ACER2: variants seen among roughly 807,000 people sequenced by gnomAD.
ACER2 encodes the protein alkCDase 2.
Under a neutral mutation model 34.7 loss-of-function variants are expected in ACER2, and 26 were observed. The observed-to-expected ratio is 0.75, with a 90% CI of 0.55 to 1.04. The LOEUF is 1.04. Ranked by LOEUF, ACER2 falls within the 50% of genes least tolerant of loss-of-function variation. The pLI, the probability that ACER2 is intolerant of heterozygous loss-of-function variation, is 0.00. For missense variants in ACER2, 352 were observed against 340.8 expected (o/e 1.03, Z -0.26); for synonymous variants, 138 against 132.1 (o/e 1.04, Z -0.31).
At chr9:19,443,167 A>C (rs1831215652) in intron 4 of ACER2, among the ~76,000 whole-genome samples, 1 of 152,080 alleles carries the variant, frequency 6.6e-6, no homozygotes, top group Non-Finnish European at 1.5e-5. Context: ...AGTAGCTGGG[A>C]CTTCAGGTGC....
intron 1 of ACER2, among the ~76,000 whole-genome samples, chr9:19,416,142 C>T (rs1201677442): frequency 6.6e-6 from 1 of 151,632 alleles, no homozygotes; most frequent in East Asian, 1.9e-4. Flanking sequence ...TATAACAATT[C>T]CATTTTTCTT....
chr9:19,449,100 A>AGATTGT (rs1831475896), intron 5 of ACER2, among the ~76,000 whole-genome samples: 5 of 152,248 alleles, frequency 3.3e-5, no homozygotes, highest in Non-Finnish European at 7.3e-5. Context: ...ACTGTACTCT[A>AGATTGT]GCCTGAGCAA....
chr9:19,432,055 T>C (rs911814602), intron 3 of ACER2, among the ~76,000 whole-genome samples: 2 of 152,162 alleles, frequency 1.3e-5, no homozygotes, highest in African/African-American at 4.8e-5. Context: ...GATAAGGAAA[T>C]GGGTCCCAGG....
intron 1 of ACER2, among the ~76,000 whole-genome samples, chr9:19,411,397 A>AT (rs906439998): frequency 1.3e-4 from 19 of 151,990 alleles, no homozygotes; most frequent in Admixed American, 3.3e-4. Flanking sequence ...ATTTAAAAAA[A>AT]TTTTTTTTTG....
chr9:19,433,884 G>A lies in ACER2; in HGVS notation c.366-1063G>A, dbSNP rs1211168005. On this transcript the variant is annotated intron_variant, in intron 3 of 5. Coordinates refer to ENST00000340967, the MANE Select transcript of ACER2 (RefSeq NM_001010887.3). ...CGGGCAGAGGTGCCCCTCACCTCCC[G>A]GACGGGGCGGCTGGCCGGGTAGGGG... Among the ~76,000 whole-genome samples, 26 of 149,342 alleles carry A rather than the reference G, an allele frequency of 1.7e-4. 1 individual carries two copies. The highest frequency in any genetic ancestry group is 4.0e-4 in the East Asian group (2 of 4,944).
chr9:19,423,923 C>T lies in ACER2; in HGVS notation c.170C>T (p.Ala57Val), dbSNP rs1162808028. Residue 57 changes from alanine to valine, a missense_variant, in exon 2 of 6, where the codon GCA becomes GTA. Coordinates refer to ENST00000340967, the MANE Select transcript of ACER2 (RefSeq NM_001010887.3). ...PICMCLFRQY[A>V]TCFNSGIYLI... ...TGCATGTGCTTGTTTCGTCAGTATG[C>T]AACATGCTTCAACAGTGGCATCTAC... The T allele has an allele frequency of 1.2e-6, 2 of 1,614,066 alleles. No individual in the cohort carries two copies. The highest frequency in any genetic ancestry group is 8.5e-7 in the Non-Finnish European group (1 of 1,179,984).
Position 19,451,474 on chromosome 9 carries a change from A to C in ACER2, c.*838A>C, listed in dbSNP as rs188959445. ...CTACTACCTCTGTGGAGAGATGGAG[A>C]GACTTCAGATAAACGTGAAGCTAAT... On this transcript the variant is annotated 3_prime_UTR_variant, in exon 6 of 6. Transcript: ENST00000340967. 2.6e-5 allele frequency: 4 copies of C among 152,806 alleles called. No individual in the cohort carries two copies. The highest frequency in any genetic ancestry group is 6.5e-5 in the Admixed American group (1 of 15,308). The allele number at this position is 152,806 out of a possible 1,614,324, so 9.5% of individuals were successfully genotyped here. A position where few individuals can be genotyped will look rare whatever the true frequency, so the allele number is the denominator to read the frequency against.
chr9:19,450,814 A>G lies in ACER2; in HGVS notation c.*178A>G, dbSNP rs7855778. On this transcript the variant is annotated 3_prime_UTR_variant, in exon 6 of 6. Coordinates refer to ENST00000340967, the MANE Select transcript of ACER2 (RefSeq NM_001010887.3). Reference sequence around the variant, plus strand: ...TGTATGTAGGGATTTAAACTTTGTCATATGGTACAAATATTCCCTGCCCCC... The same window carrying G: ...TGTATGTAGGGATTTAAACTTTGTCGTATGGTACAAATATTCCCTGCCCCC... 212 of 496,496 alleles carry G rather than the reference A, an allele frequency of 4.3e-4. 2 individuals are homozygous for G. The South Asian group carries it at 0.014, about 33-fold the overall frequency. The allele number at this position is 496,496 out of a possible 1,614,324, so 30.8% of individuals were successfully genotyped here.
intron 3 of ACER2, among the ~76,000 whole-genome samples, chr9:19,431,747 C>T (rs572614103): frequency 2.0e-5 from 3 of 152,186 alleles, no homozygotes; most frequent in Non-Finnish European, 4.4e-5. Flanking sequence ...AGCTATAATT[C>T]CTGTTCATTC....
At chr9:19,433,822 C>T (rs1196006192) in intron 3 of ACER2, among the ~76,000 whole-genome samples, 49 of 151,034 alleles carry the variant, frequency 3.2e-4, no homozygotes, top group African/African-American at 1.1e-3. Flanking sequence ...GGCGGCTGGC[C>T]GGGCAGAGGG....
rs1412571741 is a variant in ACER2 at position 19,434,986 on chromosome 9, T to G, written c.405T>G (p.Val135=). 1 of 1,614,032 alleles carries G rather than the reference T, an allele frequency of 6.2e-7. No homozygotes were observed. Among genetic ancestry groups the G allele is most frequent in the African/African-American group, 1.3e-5 (1 of 74,940 alleles). ...FKVVVSVLSA[V]TTCLAFVKPA... is the part of the protein sequence containing the mutation. ...TGGTGGTCAGTGTCCTGTCTGCGGT[T>G]ACGACGTGCCTGGCATTTGTCAAGC... is the stretch of plus-strand genomic sequence containing the variant. The change falls in exon 4 of 6, where the codon GTT becomes GTG. Residue 135 remains valine, a synonymous_variant. Transcript: ENST00000340967.
At chr9:19,437,007 G>T (rs912559286) in intron 4 of ACER2, among the ~76,000 whole-genome samples, 5 of 152,140 alleles carry the variant, frequency 3.3e-5, no homozygotes, top group African/African-American at 1.2e-4. Flanking sequence ...ATACCTGACT[G>T]TTCCTACTCT....
intron 3 of ACER2, among the ~76,000 whole-genome samples, chr9:19,430,110 G>A (rs925862817): frequency 6.6e-6 from 1 of 150,452 alleles, no homozygotes; most frequent in Admixed American, 6.6e-5. Flanking sequence ...TGGTTTTCAA[G>A]CCTATACCCT....
At chr9:19,445,011 A>AAC (rs1382066968) in intron 4 of ACER2, among the ~76,000 whole-genome samples, 1 of 152,174 alleles carries the variant, frequency 6.6e-6, no homozygotes, top group African/African-American at 2.4e-5. Flanking sequence ...TCAGGCTTTT[A>AAC]ACACCTGTCT....
chr9:19,434,488 G>C (rs1207010189), intron 3 of ACER2, among the ~76,000 whole-genome samples: 1 of 152,266 alleles, frequency 6.6e-6, no homozygotes, highest in Non-Finnish European at 1.5e-5. Context: ...GCGCCATTGA[G>C]CACTGAGTGA....
chr9:19,441,813 G>A (rs1831165584), intron 4 of ACER2, among the ~76,000 whole-genome samples: 1 of 152,158 alleles, frequency 6.6e-6, no homozygotes, highest in Admixed American at 6.5e-5. Context: ...TTGTTTCCCT[G>A]CTTTGATAAA....
Position 19,451,292 on chromosome 9 carries a change from CTG to C in ACER2, c.*659_*660del, listed in dbSNP as rs1831561525. 1.3e-5 allele frequency: 2 copies of C among 152,666 alleles called. No individual in the cohort carries two copies. Among genetic ancestry groups the C allele is most frequent in the Admixed American group, 6.5e-5 (1 of 15,288 alleles). The allele number at this position is 152,666 out of a possible 1,614,324, so 9.5% of individuals were successfully genotyped here. On this transcript the variant is annotated 3_prime_UTR_variant, in exon 6 of 6. Transcript: ENST00000340967. ...CTCTGAGAGACAAGACCCTCTGACT[CTG>C]TGATGGAAGATGCCAGAGATTTTCC...
chr9:19,416,755 A>G (rs1175140507), intron 1 of ACER2, among the ~76,000 whole-genome samples: 1 of 150,284 alleles, frequency 6.7e-6, no homozygotes, highest in Non-Finnish European at 1.5e-5. Context: ...CTGGTCTCAA[A>G]CTCCTGACTT....
chr9:19,411,227 G>A (rs1478170653), intron 1 of ACER2, among the ~76,000 whole-genome samples: 1 of 152,156 alleles, frequency 6.6e-6, no homozygotes, highest in African/African-American at 2.4e-5. Context: ...AGCCCAGCTG[G>A]CCCATCTGAC....
Sources: gnomAD v4.1 joint callset for allele counts (sites outside exome capture counted in the v4.1 genomes callset) on GRCh38, gnomAD v4.1.1 for gene constraint, MANE v1.5 for transcripts, NCBI Gene and HGNC (gene_info 2026-07-23, HGNC 2026-07-21) for gene names.